OSMR: variants seen among roughly 807,000 people sequenced by gnomAD.
The protein encoded by OSMR is oncostatin M receptor.
A neutral mutation model predicts 99.9 loss-of-function variants in OSMR; 81 were observed. The ratio of observed to expected loss-of-function variants is 0.81; its 90% confidence interval spans 0.68 to 0.97. The LOEUF is 0.97. Ranked by LOEUF, OSMR falls within the 50% of genes least tolerant of loss-of-function variation. The probability of loss-of-function intolerance (pLI) is 0.00; values close to 1 mark genes in which losing one functional copy is unlikely to be tolerated. For synonymous variants in OSMR, 406 were observed against 410.4 expected, an observed-to-expected ratio of 0.99 and a Z score of 0.13; for missense variants, 1,099 against 1,153.4, an observed-to-expected ratio of 0.95 and a Z score of 0.68.
chr5:38,875,370 TTCTC>T (rs1240828708), intron 2 of OSMR, among the ~76,000 whole-genome samples: 3 of 152,210 alleles, frequency 2.0e-5, no homozygotes, highest in Non-Finnish European at 2.9e-5. Context: ...TCAGGACACA[TTCTC>T]TCTCTAGTGG....
intron 1 of OSMR, among the ~76,000 whole-genome samples, chr5:38,863,175 TGGGGAGAGGGAGAGGGAGAGGGGGAG>T (rs1741632302): frequency 3.9e-5 from 2 of 51,470 alleles, no homozygotes; most frequent in Non-Finnish European, 7.0e-5. Context: ...AGGGAGACCG[TGGGGAGAGGGAGAGGGAGAGGGGGAG>T]GGGGAGGGGG....
intron 2 of OSMR, chr5:38,944,329 G>A (rs1378723827): frequency 2.0e-6 from 2 of 995,312 alleles, no homozygotes; most frequent in Non-Finnish European, 3.1e-6. Context: ...GGTATGCAAT[G>A]CAGTTTAGAA....
intron 7 of OSMR, among the ~76,000 whole-genome samples, chr5:38,898,291 G>C (rs1238598252): frequency 2.0e-5 from 3 of 152,096 alleles, no homozygotes; most frequent in African/African-American, 7.2e-5. Context: ...TGTTGATTGT[G>C]TATATATTTA....
chr5:38,913,852 GA>G (rs1387367155), intron 9 of OSMR, among the ~76,000 whole-genome samples: 1 of 152,166 alleles, frequency 6.6e-6, no homozygotes, highest in Non-Finnish European at 1.5e-5. Flanking sequence ...TGCACAGAAG[GA>G]GGTGTTACAC....
chr5:38,864,015 A>C (rs968231505), intron 1 of OSMR, among the ~76,000 whole-genome samples: 2 of 152,102 alleles, frequency 1.3e-5, no homozygotes, highest in African/African-American at 4.8e-5. Context: ...ATCTTTTCCT[A>C]TCCCTTCACT....
At chr5:38,898,744 C>T (rs953334155) in intron 7 of OSMR, among the ~76,000 whole-genome samples, 2 of 151,746 alleles carry the variant, frequency 1.3e-5, no homozygotes, top group African/African-American at 4.8e-5. Flanking sequence ...ATTTAATTTT[C>T]TGCTTTTTCC....
intron 5 of OSMR, among the ~76,000 whole-genome samples, chr5:38,884,844 C>T (rs1309343578): frequency 6.6e-6 from 1 of 152,130 alleles, no homozygotes. Flanking sequence ...TTGCCAAAGT[C>T]AGTCTCCAGT....
intron 4 of OSMR, among the ~76,000 whole-genome samples, chr5:38,882,994 TACAC>T (rs1743413624): frequency 6.6e-6 from 1 of 152,106 alleles, no homozygotes; most frequent in African/African-American, 2.4e-5. Context: ...GAAGGACACA[TACAC>T]AGGGAAAGAA....
chr5:38,880,607 G>A (rs1375387261), intron 3 of OSMR, among the ~76,000 whole-genome samples: 1 of 152,202 alleles, frequency 6.6e-6, no homozygotes, highest in African/African-American at 2.4e-5. Context: ...CATAACCTAG[G>A]CTTGAAGAAC....
rs1443044156 is a variant in OSMR, at chr5:38,869,013, T to C, written c.-13-19T>C. The C allele has an allele frequency of 3.1e-6, 5 of 1,612,108 alleles. No homozygotes were observed. The highest frequency in any genetic ancestry group is 4.2e-6 in the Non-Finnish European group (5 of 1,178,872). The stretch of plus-strand genomic sequence containing the variant: ...GAAAATTAAATAAAATTTTCCTTCT[T>C]ATAATTTATCTTTTTCAGAAAACCA... On this transcript the variant is annotated intron_variant, in intron 1 of 17. Coordinates refer to ENST00000274276, the MANE Select transcript of OSMR (RefSeq NM_003999.3).
intron 7 of OSMR, among the ~76,000 whole-genome samples, chr5:38,901,860 A>T (rs1031541394): frequency 6.6e-6 from 1 of 152,208 alleles, no homozygotes; most frequent in African/African-American, 2.4e-5. Context: ...TAAGGAGAGC[A>T]AAAGGACACC....
intron 2 of OSMR, chr5:38,944,593 TA>T: frequency 6.4e-7 from 1 of 1,557,730 alleles, no homozygotes; most frequent in Non-Finnish European, 8.7e-7. Context: ...AGGGAGAAGT[TA>T]AATATTATCT....
chr5:38,909,624 AACT>A (rs1745449171), intron 9 of OSMR, among the ~76,000 whole-genome samples: 1 of 152,202 alleles, frequency 6.6e-6, no homozygotes, highest in Admixed American at 6.5e-5. Context: ...TATCTAGCCA[AACT>A]AAGCTTCATA....
chr5:38,919,517 A>C (rs610912), intron 11 of OSMR: 1 of 371,584 alleles, frequency 2.7e-6, no homozygotes, highest in African/African-American at 2.1e-5. Flanking sequence ...TTCACCACAG[A>C]CTCTGCCAAC....
At chr5:38,915,845 T>C (rs923737989) in intron 9 of OSMR, among the ~76,000 whole-genome samples, 11 of 152,352 alleles carry the variant, frequency 7.2e-5, no homozygotes, top group Middle Eastern at 3.4e-3. Context: ...ATGTTTTTTA[T>C]GTCTGGATTT....
chr5:38,874,301 C>G (rs1304593739), intron 2 of OSMR, among the ~76,000 whole-genome samples: 2 of 152,134 alleles, frequency 1.3e-5, no homozygotes, highest in Non-Finnish European at 2.9e-5. Context: ...AACTCAGGGT[C>G]ATGGAATTCA....
intron 4 of OSMR, among the ~76,000 whole-genome samples, chr5:38,882,019 T>G (rs1743327854): frequency 6.6e-6 from 1 of 152,260 alleles, no homozygotes; most frequent in Non-Finnish European, 1.5e-5. Flanking sequence ...TTTCAAAACA[T>G]GTAAAGTTTG....
chr5:38,867,850 ATAGGGAATAATGGAGATG>A, intron 1 of OSMR, among the ~76,000 whole-genome samples: 1 of 148,056 alleles, frequency 6.8e-6, no homozygotes, highest in Middle Eastern at 3.5e-3. Flanking sequence ...GTATTTGGAG[ATAGGGAATAATGGAGATG>A]CCCTCACCTC....
intron 1 of OSMR, chr5:38,942,401 T>A (rs1747667847): frequency 1.3e-6 from 2 of 1,486,640 alleles, no homozygotes; most frequent in East Asian, 4.5e-5. Flanking sequence ...TGGTGTATCA[T>A]CAATTACTTT....
Sources: allele counts gnomAD v4.1 joint callset (sites outside exome capture counted in the v4.1 genomes callset), GRCh38; gene constraint gnomAD v4.1.1; transcripts MANE v1.5; gene names NCBI Gene and HGNC (gene_info 2026-07-23, HGNC 2026-07-21).